KCNG1: variants seen among roughly 807,000 people sequenced by gnomAD.
KCNG1 encodes potassium voltage-gated channel modifier subfamily G member 1.
KCNG1 carries 17 observed loss-of-function variants against 32.4 expected under a neutral mutation model. That is an observed-to-expected ratio of 0.52 (90% CI 0.36 to 0.79). KCNG1 has a LOEUF of 0.79. Among genes scored for constraint, KCNG1 ranks in the 30% least tolerant of loss-of-function variants. The probability of loss-of-function intolerance (pLI) is 0.00; values close to 1 mark genes in which losing one functional copy is unlikely to be tolerated. For synonymous variants in KCNG1, 358 were observed against 339.9 expected (o/e 1.05, Z -0.59); for missense variants, 441 against 735.2 (o/e 0.60, Z 4.63).
In KCNG1 at chr20:51,009,763, C is replaced by A. The variant is rs148122248; in HGVS notation, c.576G>T (p.Glu192Asp). ...CGGCCGGGCCCTCGCTGTCGCGGCC[C>A]TCGCTGTCCAGCGCGTCGTCCTCTT... ...REEEDDALDSEGRDSEGPAEG... is the reference protein window; with the variant it reads ...REEEDDALDSDGRDSEGPAEG... Residue 192 changes from glutamate (E) to aspartate (D), a missense_variant, in exon 2 of 3, where the codon GAG becomes GAT. This residue lies in a region of KCNG1 where 52 missense variants were observed against 50.3 expected (regional missense o/e 1.03). Coordinates refer to ENST00000371571, the MANE Select transcript of KCNG1 (RefSeq NM_002237.4). 15 of 1,610,238 alleles carry A rather than the reference C, an allele frequency of 9.3e-6. No individual in the cohort carries two copies. Among genetic ancestry groups the A allele is most frequent in the Admixed American group, 3.3e-5 (2 of 59,982 alleles).
rs540726612 is a variant in KCNG1 at position 51,016,416 on chromosome 20, G to A, written c.-26-6052C>T. On this transcript the variant is annotated intron_variant, in intron 1 of 2. Transcript: ENST00000371571. The stretch of plus-strand genomic sequence containing the variant: ...GGTGCCATTGCACTCCAGCCTGGGC[G>A]ACAGAGTGAGACTCTGTCTTGAAAA... Among the ~76,000 whole-genome samples the A allele has an allele frequency of 2.9e-3, 448 of 151,960 alleles. 2 individuals are homozygous for A. Among genetic ancestry groups the A allele is most frequent in the African/African-American group, 0.01 (431 of 41,434 alleles).
chr20:51,012,567 T>A (rs1262503736), intron 1 of KCNG1, among the ~76,000 whole-genome samples: 3 of 152,248 alleles, frequency 2.0e-5, no homozygotes, highest in Non-Finnish European at 2.9e-5. Context: ...AAATATCAAC[T>A]TGCATGGACT....
intron 1 of KCNG1, among the ~76,000 whole-genome samples, chr20:51,014,503 G>A (rs1417627993): frequency 6.6e-6 from 1 of 152,214 alleles, no homozygotes; most frequent in East Asian, 1.9e-4. Context: ...GCTGTTTGAA[G>A]CAGAGGCTGC....
At chr20:51,013,044 C>T (rs1390549280) in intron 1 of KCNG1, among the ~76,000 whole-genome samples, 1 of 151,360 alleles carries the variant, frequency 6.6e-6, no homozygotes, top group Non-Finnish European at 1.5e-5. Context: ...TGGCTCAGGC[C>T]TGTAATCCCA....
intron 1 of KCNG1, 116 bp from the exon 2 acceptor site, chr20:51,010,480 T>C (rs1464339040): frequency 1.4e-6 from 1 of 740,504 alleles, no homozygotes; most frequent in African/African-American, 1.8e-5. Flanking sequence ...CCCACATCCA[T>C]AGGTTGCAGG....
rs1012213561 is a variant in KCNG1, at chr20:51,015,265, A to G, written c.-26-4901T>C. On this transcript the variant is annotated intron_variant, in intron 1 of 2. Transcript: ENST00000371571. This position sits in a 1 kb window ranked among gnomAD's most constrained non-coding sequence, Gnocchi z 4.4. ...GGGGCCTGGGGGAGGGGGAAAAGAG[A>G]AGAATCAGGATTCCAGGGGTGCCAT... 4.6e-5 allele frequency among the ~76,000 whole-genome samples: 7 copies of G among 152,078 alleles called. No individual in the cohort carries two copies. The highest frequency in any genetic ancestry group is 1.7e-4 in the African/African-American group (7 of 41,394).
Position 51,003,927 on chromosome 20 carries a change from G to C in KCNG1, c.*112C>G. 1 of 1,238,076 alleles carries C rather than the reference G, an allele frequency of 8.1e-7. No homozygotes were observed. The highest frequency in any genetic ancestry group is 1.1e-6 in the Non-Finnish European group (1 of 890,822). The allele number at this position is 1,238,076 out of a possible 1,614,324, so 76.7% of individuals were successfully genotyped here. On this transcript the variant is annotated 3_prime_UTR_variant, in exon 3 of 3. Transcript: ENST00000371571. The stretch of plus-strand genomic sequence containing the variant: ...TCCTTCCCCGGGTGCGTGGGAGTCG[G>C]TGCTGCGCCAGGACTGCACTCGGAA...
At chr20:51,011,543 C>A (rs2870030) in intron 1 of KCNG1, among the ~76,000 whole-genome samples, 52,036 of 151,962 alleles carry the variant, frequency 0.34, 10,328 homozygotes, top group Admixed American at 0.46. Context: ...ACAGTCCCCA[C>A]AACAGACACT....
In KCNG1 at chr20:51,021,157, A is replaced by G. The variant is rs987710094; in HGVS notation, c.-27+1713T>C. 2.6e-5 allele frequency among the ~76,000 whole-genome samples: 4 copies of G among 152,214 alleles called. No individual in the cohort carries two copies. In the East Asian group the frequency reaches 5.8e-4, roughly 22 times the overall value. Reference sequence around the variant, plus strand: ...GAAGAACCTAGGTTGCCTCGTTTCCAGTGTGCTTGCAGTTCCCTGCAGGTT... The same window carrying G: ...GAAGAACCTAGGTTGCCTCGTTTCCGGTGTGCTTGCAGTTCCCTGCAGGTT... On this transcript the variant is annotated intron_variant, in intron 1 of 2. Coordinates refer to ENST00000371571, the MANE Select transcript of KCNG1 (RefSeq NM_002237.4).
chr20:51,009,465 A>C (rs1205472444), intron 2 of KCNG1, 100 bp downstream of exon 2: 25 of 1,315,474 alleles, frequency 1.9e-5, no homozygotes, highest in Non-Finnish European at 2.6e-5. Flanking sequence ...GATGCTATTC[A>C]GCCAGTGTGC....
Position 51,009,606 on chromosome 20 carries a change from A to T in KCNG1, c.733T>A (p.Ser245Thr). 6.2e-7 allele frequency: 1 copy of T among 1,610,434 alleles called. No individual in the cohort carries two copies. Among genetic ancestry groups the T allele is most frequent in the Middle Eastern group, 1.7e-4 (1 of 6,060 alleles). Reference protein sequence around the residue: ...LFVTVTAVNLSVSTLPSLREE... With the variant: ...LFVTVTAVNLTVSTLPSLREE... ...CTCAGGCTGGGCAAGGTGCTGACGG[A>T]GAGGTTGACGGCGGTGACGGTCACG... Residue 245 changes from serine to threonine, a missense_variant, in exon 2 of 3, where the codon TCC becomes ACC. Physicochemically the swap from Ser to Thr is moderately conservative, Grantham distance 58. Around this residue, in one of 6 missense-constraint regions of KCNG1, gnomAD observed 169 missense variants for 297.7 expected, o/e 0.57. Transcript: ENST00000371571.
At chr20:51,010,959 G>A (rs1050158695) in intron 1 of KCNG1, among the ~76,000 whole-genome samples, 1 of 151,898 alleles carries the variant, frequency 6.6e-6, no homozygotes, top group African/African-American at 2.4e-5. Context: ...AGAGACACTA[G>A]GGCTTTCTCT....
intron 1 of KCNG1, among the ~76,000 whole-genome samples, chr20:51,019,475 C>T (rs960565989): frequency 1.3e-5 from 2 of 151,834 alleles, no homozygotes; most frequent in African/African-American, 4.8e-5. Flanking sequence ...AGTGACACTG[C>T]ACTCCAGCTG....
Position 51,004,092 on chromosome 20 carries a change from C to T in KCNG1, c.1489G>A (p.Asp497Asn). The change falls in exon 3 of 3, where the codon GAC (aspartate) becomes AAC (asparagine). Residue 497 changes from aspartate to asparagine, a missense_variant. Around this residue, in one of 6 missense-constraint regions of KCNG1, gnomAD observed 53 missense variants for 79.1 expected, o/e 0.67. Transcript: ENST00000371571. The surrounding 1 kb of genome is among the most constrained non-coding windows in gnomAD (Gnocchi z 4.3). ...GCACTTCCGAACAAGATGTCACTGT[C>T]CTGGGACACGCTCAGCTGCGACTTG... ...KTKSQLSVSQ[D>N]SDILFGSASS... 6.2e-7 allele frequency: 1 copy of T among 1,614,202 alleles called. No individual in the cohort carries two copies. The highest frequency in any genetic ancestry group is 8.5e-7 in the Non-Finnish European group (1 of 1,180,034).
chr20:51,016,752 C>T (rs533781156), intron 1 of KCNG1, among the ~76,000 whole-genome samples: 7 of 152,324 alleles, frequency 4.6e-5, no homozygotes, highest in African/African-American at 1.2e-4. Context: ...CCTCAATAGT[C>T]GCCTTGGAAT....
chr20:51,018,731 A>G (rs541122822), intron 1 of KCNG1, among the ~76,000 whole-genome samples: 12 of 152,342 alleles, frequency 7.9e-5, no homozygotes, highest in Non-Finnish European at 1.6e-4. Context: ...TTTACAAATG[A>G]AGAAACTGAG....
chr20:51,004,481 C>G lies in KCNG1; in HGVS notation c.1100G>C (p.Gly367Ala). The G allele has an allele frequency of 6.3e-7, 1 of 1,597,930 alleles. No homozygotes were observed. The highest frequency in any genetic ancestry group is 2.3e-5 in the East Asian group (1 of 44,102). Reference sequence around the variant, plus strand: ...GCGGGTGCAGCGGCGGGCCGTGAGCCCCAGCGTCTGCAGCCCCAGGGAGTG... The same window carrying G: ...GCGGGTGCAGCGGCGGGCCGTGAGCGCCAGCGTCTGCAGCCCCAGGGAGTG... ...ARHSLGLQTL[G>A]LTARRCTREF... The change falls in exon 3 of 3, where the codon GGG becomes GCG. Residue 367 changes from glycine to alanine, a missense_variant. Physicochemically the swap from Gly to Ala is moderately conservative, Grantham distance 60. Coordinates refer to ENST00000371571, the MANE Select transcript of KCNG1 (RefSeq NM_002237.4). This position sits in a 1 kb window ranked among gnomAD's most constrained non-coding sequence, Gnocchi z 4.3.
In KCNG1 at chr20:51,015,399, G is replaced by A. The variant is rs768667730; in HGVS notation, c.-26-5035C>T. Among the ~76,000 whole-genome samples, 1 of 152,166 alleles carries A rather than the reference G, an allele frequency of 6.6e-6. No homozygotes were observed. The highest frequency in any genetic ancestry group is 2.4e-5 in the African/African-American group (1 of 41,422). ...GCAGCTGGCAAAATCCAGGAGAGAG[G>A]GGGGAGATGGGTGTCTCCCAAGGAC... is the stretch of plus-strand genomic sequence containing the variant. On this transcript the variant is annotated intron_variant, in intron 1 of 2. Transcript: ENST00000371571. This position sits in a 1 kb window ranked among gnomAD's most constrained non-coding sequence, Gnocchi z 4.4.
In KCNG1 at chr20:51,018,550, G is replaced by A. The variant is rs572341692; in HGVS notation, c.-27+4320C>T. On this transcript the variant is annotated intron_variant, in intron 1 of 2. Transcript: ENST00000371571. ...ATGCTCTCCGTCCCTCTTCCGAGTGGCAGCGGGGAATGCAGAGAGAGCGCT... is the reference window on the plus strand; with the variant it reads ...ATGCTCTCCGTCCCTCTTCCGAGTGACAGCGGGGAATGCAGAGAGAGCGCT... Among the ~76,000 whole-genome samples, 208 of 152,274 alleles carry A rather than the reference G, an allele frequency of 1.4e-3. 1 individual carries two copies. The highest frequency in any genetic ancestry group is 4.7e-3 in the African/African-American group (197 of 41,544).
Sources: allele counts gnomAD v4.1 joint callset (sites outside exome capture counted in the v4.1 genomes callset), GRCh38; gene constraint gnomAD v4.1.1; regional missense constraint gnomAD v4.1.1; non-coding constraint Gnocchi (gnomAD v3.1); transcripts MANE v1.5; gene names NCBI Gene and HGNC (gene_info 2026-07-23, HGNC 2026-07-21).